Variants in TOGARAM1 observed in about 807,000 individuals in gnomAD.
The protein encoded by TOGARAM1 is TOG array regulator of axonemal microtubules protein 1.
Under a neutral mutation model 166.6 loss-of-function variants are expected in TOGARAM1, and 100 were observed. The ratio of observed to expected loss-of-function variants is 0.60; its 90% CI spans 0.51 to 0.71. The LOEUF is 0.71. Among genes scored for constraint, TOGARAM1 ranks in the 30% least tolerant of loss-of-function variants. The pLI is 0.00. For missense variants in TOGARAM1, 2,029 were observed against 2,102.7 expected (o/e 0.96, Z 0.69); for synonymous variants, 758 against 763.8 (o/e 0.99, Z 0.13).
At position 45,012,034 on chromosome 14, in the gene TOGARAM1, A is replaced by C. The variant is rs752906190; in HGVS notation, c.3197A>C (p.Lys1066Thr). 2.2e-5 allele frequency: 36 copies of C among 1,611,738 alleles called. No homozygotes were observed. Among genetic ancestry groups the C allele is most frequent in the Non-Finnish European group, 3.1e-5 (36 of 1,179,090 alleles). ...KPCPTRLSSA[K>T]KKISHIAEQS... is the part of the protein sequence containing the mutation. ...TGTCCAACAAGACTTTCTTCTGCAA[A>C]GAAAAAAATTTCTCATATTGCTGAA... is the stretch of plus-strand genomic sequence containing the variant. The change falls in exon 7 of 20, where the codon AAG (lysine) becomes ACG (threonine). Residue 1066 changes from lysine to threonine, a missense_variant. Physicochemically the swap from Lys to Thr is moderately conservative, Grantham distance 78. Coordinates refer to ENST00000361462, the MANE Select transcript of TOGARAM1 (RefSeq NM_001308120.2).
chr14:44,963,376 G>A lies in TOGARAM1; in HGVS notation c.955G>A (p.Val319Ile), dbSNP rs769883842. Residue 319 changes from valine (V) to isoleucine (I), a missense_variant, in exon 1 of 20, where the codon GTT becomes ATT. Transcript: ENST00000361462. ...RRLESQFGSQ[V>I]PYYLELEASG... is the part of the protein sequence containing the mutation. ...CCTGGAGTCCCAGTTTGGAAGTCAG[G>A]TTCCTTATTATTTGGAACTTGAAGC... 14 of 1,614,040 alleles carry A rather than the reference G, an allele frequency of 8.7e-6. No homozygotes were observed. In the African/African-American group the frequency reaches 1.7e-4, roughly 20 times the overall value.
At chr14:44,995,514 G>C (rs1887369172) in intron 1 of TOGARAM1, 1 of 525,330 alleles carries the variant, frequency 1.9e-6, no homozygotes, top group Admixed American at 2.2e-5. Context: ...GTAAGGAACA[G>C]TAAAGGGTTG....
Position 44,964,198 on chromosome 14 carries a change from A to G in TOGARAM1, c.1777A>G (p.Met593Val), listed in dbSNP as rs557405649. The change falls in exon 1 of 20, where the codon ATG becomes GTG. Residue 593 changes from methionine (M) to valine (V), a missense_variant. By Grantham distance (21) the Met-to-Val change is conservative. Transcript: ENST00000361462. ...EQGFVEYAVL[M>V]PSSAGGRSNH... ...GGGATTTGTGGAATATGCAGTACTG[A>G]TGCCATCTTCTGCCGGGGGTAGGTC... 6.2e-7 allele frequency: 1 copy of G among 1,614,170 alleles called. No homozygotes were observed. Among genetic ancestry groups the G allele is most frequent in the African/African-American group, 1.3e-5 (1 of 75,046 alleles).
chr14:45,055,510 G>C (rs943279705), intron 16 of TOGARAM1, among the ~76,000 whole-genome samples: 1 of 151,960 alleles, frequency 6.6e-6, no homozygotes. Context: ...TTTTGCTTAA[G>C]GTTGCTTTGG....
In TOGARAM1 at chr14:44,962,682, C is replaced by A. The variant is rs1566586666; in HGVS notation, c.261C>A (p.Gly87=). 8.7e-6 allele frequency: 14 copies of A among 1,614,168 alleles called. No individual in the cohort carries two copies. The highest frequency in any genetic ancestry group is 1.1e-5 in the Non-Finnish European group (13 of 1,180,038). ...CAAGCAGCTGGTCTGAGTCTGGAGGCGGTTTGTCAGGGGGAGATGAAGAGG... is the reference window on the plus strand; with the variant it reads ...CAAGCAGCTGGTCTGAGTCTGGAGGAGGTTTGTCAGGGGGAGATGAAGAGG... The part of the protein sequence containing the change: ...AVSSSWSESG[G]GLSGGDEEDT... The change falls in exon 1 of 20, where the codon GGC becomes GGA. Residue 87 remains glycine, a synonymous_variant. Coordinates refer to ENST00000361462, the MANE Select transcript of TOGARAM1 (RefSeq NM_001308120.2).
chr14:45,038,249 T>C (rs1284669217), intron 11 of TOGARAM1, among the ~76,000 whole-genome samples: 1 of 152,138 alleles, frequency 6.6e-6, no homozygotes, highest in African/African-American at 2.4e-5. Flanking sequence ...ATCCTTAAGG[T>C]GTTACTATGC....
chr14:45,047,118 G>A (rs1226236876), intron 14 of TOGARAM1, among the ~76,000 whole-genome samples: 6 of 152,112 alleles, frequency 3.9e-5, no homozygotes, highest in Non-Finnish European at 8.8e-5. Context: ...AAGGCGGGTC[G>A]TGGTGGCTCA....
chr14:45,047,360 C>T (rs535346932), intron 14 of TOGARAM1, among the ~76,000 whole-genome samples: 1 of 150,778 alleles, frequency 6.6e-6, no homozygotes, highest in East Asian at 1.9e-4. Flanking sequence ...CCATTGCACT[C>T]CAGCCTGGGT....
Position 44,963,002 on chromosome 14 carries a change from C to T in TOGARAM1, c.581C>T (p.Ala194Val). The change falls in exon 1 of 20, where the codon GCC becomes GTC. Residue 194 changes from alanine (A) to valine (V), a missense_variant. Ala to Val is a moderately conservative substitution (Grantham distance 64). Coordinates refer to ENST00000361462, the MANE Select transcript of TOGARAM1 (RefSeq NM_001308120.2). ...GTCTCGTTACGGGAAGAGAATCCAG[C>T]CCTGCGGAAAGATGCGCTGCAGATC... is the stretch of plus-strand genomic sequence containing the variant. ...LVVSLREENP[A>V]LRKDALQILH... 1.2e-6 allele frequency: 2 copies of T among 1,614,144 alleles called. No homozygotes were observed. Among genetic ancestry groups the T allele is most frequent in the Non-Finnish European group, 1.7e-6 (2 of 1,180,014 alleles).
At chr14:44,988,192 C>T (rs1886949387) in intron 1 of TOGARAM1, among the ~76,000 whole-genome samples, 1 of 151,824 alleles carries the variant, frequency 6.6e-6, no homozygotes, top group Non-Finnish European at 1.5e-5. Flanking sequence ...CAACATGGCA[C>T]ATGTATACAT....
chr14:44,976,253 T>G (rs1286951082), intron 1 of TOGARAM1, among the ~76,000 whole-genome samples: 1 of 152,200 alleles, frequency 6.6e-6, no homozygotes, highest in Non-Finnish European at 1.5e-5. Context: ...TCGTTGCCTA[T>G]CTACATTTAA....
At position 45,068,599 on chromosome 14, in the gene TOGARAM1, A is replaced by G. The variant is rs1216661174; in HGVS notation, c.4925A>G (p.Tyr1642Cys). 14 of 1,612,222 alleles carry G rather than the reference A, an allele frequency of 8.7e-6. No homozygotes were observed. The East Asian group carries it at 2.2e-4, about 26-fold the overall frequency. Reference sequence around the variant, plus strand: ...CTGAATTCCAAGAATCCAGGCATCTATGCGGCTGCTACAAATGTTGTTCAG... The same window carrying G: ...CTGAATTCCAAGAATCCAGGCATCTGTGCGGCTGCTACAAATGTTGTTCAG... Reference protein sequence around the residue: ...NNLNSKNPGIYAAATNVVQAL... With the variant: ...NNLNSKNPGICAAATNVVQAL... Residue 1642 changes from tyrosine (Y) to cysteine (C), a missense_variant, in exon 18 of 20, where the codon TAT becomes TGT. Tyr to Cys is a radical substitution (Grantham distance 194, BLOSUM62 -2). Around this residue, in one of 2 missense-constraint regions of TOGARAM1, gnomAD observed 576 missense variants for 670.5 expected, o/e 0.86. Transcript: ENST00000361462.
At position 45,000,238 on chromosome 14, in the gene TOGARAM1, A is replaced by T. The variant is rs193048820; in HGVS notation, c.2338+741A>T. Among the ~76,000 whole-genome samples the T allele has an allele frequency of 1.2e-4, 19 of 152,218 alleles. 1 individual carries two copies. In the East Asian group the frequency reaches 3.7e-3, roughly 29 times the overall value. On this transcript the variant is annotated intron_variant, in intron 3 of 19. Transcript: ENST00000361462. Reference sequence around the variant, plus strand: ...GGTCTCAAACTCCTGACCTCAGGTGATCCACCTGCCTCGGCCTCCCAAAGC... The same window carrying T: ...GGTCTCAAACTCCTGACCTCAGGTGTTCCACCTGCCTCGGCCTCCCAAAGC...
Position 45,011,778 on chromosome 14 carries a change from A to AAC in TOGARAM1, c.3138-196_3138-195insCA, listed in dbSNP as rs1312733376. The AAC allele has an allele frequency of 9.9e-5, 40 of 402,226 alleles. No homozygotes were observed. The East Asian group carries it at 1.4e-3, about 15-fold the overall frequency. The allele number at this position is 402,226 out of a possible 1,614,324, so 24.9% of individuals were successfully genotyped here. On this transcript the variant is annotated intron_variant, in intron 6 of 19. Transcript: ENST00000361462. ...CCAAAAGGTGAACTAAGAATAGCAA[A>AAC]ATATATATGTGTGTGTGTGTGTGTG...
At chr14:44,971,631 G>A (rs897079488) in intron 1 of TOGARAM1, among the ~76,000 whole-genome samples, 3 of 152,028 alleles carry the variant, frequency 2.0e-5, no homozygotes, top group African/African-American at 7.2e-5. Context: ...CCTAGGATGT[G>A]CACTTAGATG....
At chr14:44,978,664 G>A (rs1396788327) in intron 1 of TOGARAM1, among the ~76,000 whole-genome samples, 1 of 152,086 alleles carries the variant, frequency 6.6e-6, no homozygotes, top group Non-Finnish European at 1.5e-5. Flanking sequence ...CAGGCATGGT[G>A]GCACATGTCT....
intron 4 of TOGARAM1, among the ~76,000 whole-genome samples, chr14:45,005,301 G>A (rs1270883885): frequency 3.3e-5 from 5 of 152,046 alleles, no homozygotes. Context: ...GCATATATAA[G>A]TTCATTCAGG....
At chr14:45,017,856 G>C (rs1179995100) in intron 7 of TOGARAM1, among the ~76,000 whole-genome samples, 2 of 143,934 alleles carry the variant, frequency 1.4e-5, no homozygotes, top group Non-Finnish European at 3.0e-5. Flanking sequence ...CTGCACTCCT[G>C]GGTGACAAGT....
At chr14:45,019,429 CT>C (rs1880357031) in intron 7 of TOGARAM1, among the ~76,000 whole-genome samples, 1 of 151,882 alleles carries the variant, frequency 6.6e-6, no homozygotes, top group South Asian at 2.1e-4. Context: ...ACACATAAAA[CT>C]AACACCTGGA....
Sources: allele counts gnomAD v4.1 joint callset (sites outside exome capture counted in the v4.1 genomes callset), GRCh38; gene constraint gnomAD v4.1.1; regional missense constraint gnomAD v4.1.1; transcripts MANE v1.5; gene names NCBI Gene and HGNC (gene_info 2026-07-23, HGNC 2026-07-21).